Variants in DCDC1 observed in about 807,000 individuals in gnomAD.
DCDC1 encodes doublecortin domain-containing protein 1.
Under a neutral mutation model 178.3 loss-of-function variants are expected in DCDC1, and 200 were observed. The observed-to-expected ratio is 1.12, with a 90% CI of 1.00 to 1.26. The LOEUF (loss-of-function observed/expected upper bound fraction) is 1.26. DCDC1 is among the 50% of genes most tolerant of loss of function. DCDC1 has a pLI of 0.00. For missense variants in DCDC1, 1,983 were observed against 1,749.2 expected (o/e 1.13, Z -2.38); for synonymous variants, 690 against 604.8 (o/e 1.14, Z -2.07).
At chr11:31,157,676 GT>G (rs1591257212) in intron 9 of DCDC1, among the ~76,000 whole-genome samples, 1 of 152,200 alleles carries the variant, frequency 6.6e-6, no homozygotes. Flanking sequence ...GGTTGCCAGG[GT>G]TGAGGGCAGG....
intron 29 of DCDC1, among the ~76,000 whole-genome samples, 188 bp downstream of exon 29, chr11:30,908,758 T>C (rs1471985453): frequency 6.6e-6 from 1 of 152,154 alleles, no homozygotes; most frequent in African/African-American, 2.4e-5. Context: ...AACTACCTAA[T>C]TCTTTTTCTC....
chr11:31,351,247 T>G (rs1239802319), intron 1 of DCDC1, among the ~76,000 whole-genome samples: 1 of 152,126 alleles, frequency 6.6e-6, no homozygotes, highest in Non-Finnish European at 1.5e-5. Flanking sequence ...TGCATTAGAA[T>G]AAATATTTTT....
chr11:30,993,954 C>A (rs1344354813), intron 20 of DCDC1, among the ~76,000 whole-genome samples: 1 of 152,072 alleles, frequency 6.6e-6, no homozygotes, highest in African/African-American at 2.4e-5. Flanking sequence ...ATTTTACGAG[C>A]CAGCATTATC....
intron 9 of DCDC1, among the ~76,000 whole-genome samples, chr11:31,217,464 A>C (rs1973733376): frequency 6.6e-6 from 1 of 152,226 alleles, no homozygotes; most frequent in Non-Finnish European, 1.5e-5. Context: ...GTATATATGT[A>C]TACAAAGGAA....
At chr11:31,048,097 T>C (rs1954979629) in intron 20 of DCDC1, among the ~76,000 whole-genome samples, 1 of 152,138 alleles carries the variant, frequency 6.6e-6, no homozygotes, top group Non-Finnish European at 1.5e-5. Flanking sequence ...CAAGTAATAT[T>C]AAATATCTTA....
At chr11:30,884,033 A>AATTTTTTTTTTTTT (rs1942940104) in intron 36 of DCDC1, among the ~76,000 whole-genome samples, 1 of 95,784 alleles carries the variant, frequency 1.0e-5, no homozygotes, top group Non-Finnish European at 2.0e-5. Context: ...ATTCTTTCTC[A>AATTTTTTTTTTTTT]TTTTTTTTTT....
intron 21 of DCDC1, among the ~76,000 whole-genome samples, chr11:30,932,676 G>C (rs1429765501): frequency 6.6e-6 from 1 of 152,162 alleles, no homozygotes; most frequent in Non-Finnish European, 1.5e-5. Context: ...CAGGTTACAG[G>C]TGTGATGGGA....
At chr11:31,090,013 T>C (rs984404302) in intron 17 of DCDC1, among the ~76,000 whole-genome samples, 2 of 152,202 alleles carry the variant, frequency 1.3e-5, no homozygotes, top group African/African-American at 2.4e-5. Flanking sequence ...GGCATTGGCA[T>C]TGGCATTGCA....
chr11:31,043,598 T>C (rs1281638323), intron 20 of DCDC1, among the ~76,000 whole-genome samples: 1 of 152,102 alleles, frequency 6.6e-6, no homozygotes, highest in Non-Finnish European at 1.5e-5. Context: ...ATTGGTTATG[T>C]TGTGTTCTCG....
chr11:31,091,275 CA>C, intron 17 of DCDC1, 117 bp downstream of exon 17: 1 of 559,746 alleles, frequency 1.8e-6, no homozygotes, highest in Non-Finnish European at 3.2e-6. Context: ...TTATTATGAA[CA>C]CAAATTTAAA....
intron 20 of DCDC1, among the ~76,000 whole-genome samples, chr11:31,006,553 T>C (rs1367867883): frequency 6.6e-6 from 1 of 152,242 alleles, no homozygotes; most frequent in Non-Finnish European, 1.5e-5. Flanking sequence ...TAGCAGTGTA[T>C]AACTGGAAAT....
At chr11:31,310,114 A>C (rs991198614) in intron 3 of DCDC1, among the ~76,000 whole-genome samples, 3 of 152,112 alleles carry the variant, frequency 2.0e-5, no homozygotes, top group Non-Finnish European at 4.4e-5. Flanking sequence ...AATGGTAAAA[A>C]TAATTAAATT....
chr11:31,214,805 T>C (rs920368507), intron 9 of DCDC1, among the ~76,000 whole-genome samples: 3 of 152,136 alleles, frequency 2.0e-5, no homozygotes, highest in African/African-American at 7.2e-5. Context: ...ATTTGTTCTA[T>C]AATACAGATA....
At chr11:30,922,223 A>G (rs1946296942) in intron 24 of DCDC1, among the ~76,000 whole-genome samples, 2 of 152,210 alleles carry the variant, frequency 1.3e-5, no homozygotes, top group African/African-American at 4.8e-5. Flanking sequence ...AATGGATGGA[A>G]CAAAATGTAA....
Position 30,905,214 on chromosome 11 carries a change from A to T in DCDC1, c.4105-50T>A, listed in dbSNP as rs1423565844. The stretch of plus-strand genomic sequence containing the variant: ...ACATTTACTCAAACTTTCTTGTTTT[A>T]GTGTGCTACACTTTAGTCTCTTAAT... On this transcript the variant is annotated intron_variant, in intron 30 of 38. Coordinates refer to ENST00000684477, the MANE Select transcript of DCDC1 (RefSeq NM_001387274.1). The T allele has an allele frequency of 8.5e-6, 13 of 1,528,122 alleles. No homozygotes were observed. In the African/African-American group the frequency reaches 1.5e-4, roughly 18 times the overall value. The allele number at this position is 1,528,122 out of a possible 1,614,324, so 94.7% of individuals were successfully genotyped here.
intron 20 of DCDC1, among the ~76,000 whole-genome samples, chr11:30,962,559 A>G (rs1949163788): frequency 1.3e-5 from 2 of 152,046 alleles, no homozygotes; most frequent in South Asian, 4.1e-4. Context: ...TTCTTTAAGC[A>G]CCTTAACACA....
intron 6 of DCDC1, among the ~76,000 whole-genome samples, chr11:31,302,550 T>C (rs1025600058): frequency 2.0e-5 from 3 of 152,202 alleles, no homozygotes; most frequent in African/African-American, 7.2e-5. Context: ...TTCCTGATCT[T>C]TTCCATACAC....
intron 8 of DCDC1, among the ~76,000 whole-genome samples, chr11:31,250,683 G>A (rs1157663556): frequency 6.6e-6 from 1 of 151,650 alleles, no homozygotes; most frequent in Non-Finnish European, 1.5e-5. Context: ...ACCCAAGAAG[G>A]AGGAGCATTT....
intron 17 of DCDC1, among the ~76,000 whole-genome samples, chr11:31,079,499 GAC>G (rs1213541217): frequency 6.6e-6 from 1 of 152,166 alleles, no homozygotes; most frequent in African/African-American, 2.4e-5. Context: ...TGAGAATCCC[GAC>G]ATATAGCTGG....
Sources: gnomAD v4.1 joint callset for allele counts (sites outside exome capture counted in the v4.1 genomes callset) on GRCh38, gnomAD v4.1.1 for gene constraint, MANE v1.5 for transcripts, NCBI Gene and HGNC (gene_info 2026-07-23, HGNC 2026-07-21) for gene names.